UTRN: variants seen among roughly 807,000 people sequenced by gnomAD.
UTRN encodes the protein dystrophin-related protein 1.
UTRN carries 283 observed loss-of-function variants against 463.9 expected under a neutral mutation model. The observed-to-expected ratio is 0.61, with a 90% CI of 0.55 to 0.67. The LOEUF (loss-of-function observed/expected upper bound fraction) is 0.67. UTRN is among the 30% of genes least tolerant of loss of function. The pLI is 0.00. For synonymous variants in UTRN, 1,442 were observed against 1,431.5 expected, an observed-to-expected ratio of 1.01 and a Z score of -0.17; for missense variants, 3,922 against 4,084.3, an observed-to-expected ratio of 0.96 and a Z score of 1.08.
intron 3 of UTRN, among the ~76,000 whole-genome samples, chr6:144,412,086 A>T (rs1034101817): frequency 1.3e-5 from 2 of 152,182 alleles, no homozygotes; most frequent in Non-Finnish European, 2.9e-5. Flanking sequence ...AGTAAATACT[A>T]CATATCATAC....
intron 52 of UTRN, among the ~76,000 whole-genome samples, chr6:144,682,853 G>A (rs1223227878): frequency 5.3e-5 from 8 of 152,150 alleles, no homozygotes; most frequent in Admixed American, 3.3e-4. Context: ...ATGGTGGCAC[G>A]TGGTATGTGT....
At chr6:144,492,883 A>G (rs909720198) in intron 32 of UTRN, among the ~76,000 whole-genome samples, 6 of 152,234 alleles carry the variant, frequency 3.9e-5, no homozygotes, top group African/African-American at 7.2e-5. Context: ...AATGTTAATA[A>G]TTCCAAATCC....
At chr6:144,685,248 A>T (rs949952626) in intron 52 of UTRN, among the ~76,000 whole-genome samples, 3 of 152,210 alleles carry the variant, frequency 2.0e-5, no homozygotes, top group Non-Finnish European at 4.4e-5. Flanking sequence ...CATGGTATAC[A>T]CATACCACAT....
chr6:144,497,713 A>C (rs903704372), intron 33 of UTRN, among the ~76,000 whole-genome samples: 3 of 152,012 alleles, frequency 2.0e-5, no homozygotes, highest in African/African-American at 7.2e-5. Context: ...GCATGCAGAA[A>C]TCACAGGTAT....
intron 41 of UTRN, among the ~76,000 whole-genome samples, chr6:144,529,181 C>G (rs1477273886): frequency 1.3e-5 from 2 of 152,232 alleles, no homozygotes; most frequent in African/African-American, 2.4e-5. Context: ...CCCACACCCC[C>G]ACTGGCCCAA....
chr6:144,332,859 C>T (rs1223115921), intron 2 of UTRN, among the ~76,000 whole-genome samples: 5 of 151,786 alleles, frequency 3.3e-5, no homozygotes, highest in Non-Finnish European at 7.4e-5. Context: ...TTACTGAAAC[C>T]TTTCAACTTA....
intron 23 of UTRN, among the ~76,000 whole-genome samples, chr6:144,466,569 C>T (rs1011783621): frequency 6.6e-6 from 1 of 152,176 alleles, no homozygotes; most frequent in Non-Finnish European, 1.5e-5. Flanking sequence ...AACTACTATA[C>T]CCCTTCCAGG....
chr6:144,487,537 C>A lies in UTRN; in HGVS notation c.3823-11C>A. The A allele has an allele frequency of 1.3e-6, 2 of 1,573,142 alleles. No individual in the cohort carries two copies. The highest frequency in any genetic ancestry group is 1.7e-6 in the Non-Finnish European group (2 of 1,158,784). Reference sequence around the variant, plus strand: ...ATGCATTATTATTTTTTTTTCCCATCTCCATTCCAGTCTCTGGAATCTGTT... The same window carrying A: ...ATGCATTATTATTTTTTTTTCCCATATCCATTCCAGTCTCTGGAATCTGTT... On this transcript the variant is annotated splice_polypyrimidine_tract_variant and intron_variant, in intron 28 of 74. Transcript: ENST00000367545.
intron 30 of UTRN, among the ~76,000 whole-genome samples, chr6:144,489,566 G>A (rs999821215): frequency 2.6e-5 from 4 of 152,052 alleles, no homozygotes; most frequent in African/African-American, 4.8e-5. Flanking sequence ...TAGCAGGTGC[G>A]TCATGTACAA....
intron 53 of UTRN, among the ~76,000 whole-genome samples, chr6:144,724,874 T>C (rs926287549): frequency 6.6e-6 from 1 of 152,250 alleles, no homozygotes; most frequent in Admixed American, 6.5e-5. Context: ...CTTTTGGCTA[T>C]TATGAATAAG....
intron 34 of UTRN, among the ~76,000 whole-genome samples, chr6:144,507,178 AG>A (rs1322121719): frequency 1.3e-5 from 2 of 151,664 alleles, no homozygotes; most frequent in East Asian, 1.9e-4. Context: ...CTTTTTTTCA[AG>A]GTTCTTAGCT....
chr6:144,755,070 C>T (rs1376691987), intron 57 of UTRN, among the ~76,000 whole-genome samples: 1 of 152,080 alleles, frequency 6.6e-6, no homozygotes, highest in Non-Finnish European at 1.5e-5. Flanking sequence ...AGTATCATAT[C>T]ATCATTGCTT....
rs952501483 is a variant in UTRN, at chr6:144,409,237, T to C, written c.141+6053T>C. ...TAAAATTTGATTTTTGTCTCAAAATTGTTTGTAAAATGAACTTCACCTTGG... is the reference window on the plus strand; with the variant it reads ...TAAAATTTGATTTTTGTCTCAAAATCGTTTGTAAAATGAACTTCACCTTGG... On this transcript the variant is annotated intron_variant, in intron 3 of 74. Coordinates refer to ENST00000367545, the MANE Select transcript of UTRN (RefSeq NM_007124.3). Among the ~76,000 whole-genome samples the C allele has an allele frequency of 2.6e-5, 4 of 152,232 alleles. No individual in the cohort carries two copies. In the South Asian group the frequency reaches 8.3e-4, roughly 31 times the overall value.
chr6:144,509,205 T>C (rs983512750), intron 34 of UTRN, among the ~76,000 whole-genome samples: 1 of 152,200 alleles, frequency 6.6e-6, no homozygotes, highest in Admixed American at 6.5e-5. Context: ...TTCACATTCC[T>C]ACATAATGTT....
At chr6:144,533,525 A>G (rs759591478) in intron 43 of UTRN, among the ~76,000 whole-genome samples, 43 of 152,264 alleles carry the variant, frequency 2.8e-4, no homozygotes, top group Non-Finnish European at 5.6e-4. Flanking sequence ...TATGGTGATT[A>G]TGATGGGAAT....
intron 1 of UTRN, among the ~76,000 whole-genome samples, chr6:144,287,932 C>T (rs1387099366): frequency 6.6e-6 from 1 of 152,206 alleles, no homozygotes; most frequent in Non-Finnish European, 1.5e-5. Flanking sequence ...CTCACCTAGC[C>T]TTCTGTGAAG....
intron 66 of UTRN, among the ~76,000 whole-genome samples, chr6:144,823,589 G>C (rs567692327): frequency 6.6e-6 from 1 of 152,210 alleles, no homozygotes; most frequent in African/African-American, 2.4e-5. Context: ...GCATGGAGGA[G>C]GGGATTTATG....
chr6:144,302,698 C>T (rs1805393962), intron 2 of UTRN, among the ~76,000 whole-genome samples: 1 of 152,052 alleles, frequency 6.6e-6, no homozygotes, highest in South Asian at 2.1e-4. Context: ...AATAAACATC[C>T]CCACACAAAC....
chr6:144,480,016 A>G, intron 26 of UTRN, 34 bp downstream of exon 26: 5 of 1,601,408 alleles, frequency 3.1e-6, no homozygotes, highest in Non-Finnish European at 3.4e-6. Flanking sequence ...AACAGGCTTC[A>G]TGCCTCCCTC....
Sources: gnomAD v4.1 joint callset for allele counts (sites outside exome capture counted in the v4.1 genomes callset) on GRCh38, gnomAD v4.1.1 for gene constraint, MANE v1.5 for transcripts, NCBI Gene and HGNC (gene_info 2026-07-23, HGNC 2026-07-21) for gene names.